RASD1: variants seen among roughly 807,000 people sequenced by gnomAD.
The protein encoded by RASD1 is ras related dexamethasone induced 1.
Under a neutral mutation model 16.7 loss-of-function variants are expected in RASD1, and 13 were observed. The ratio of observed to expected loss-of-function variants is 0.78; its 90% CI spans 0.51 to 1.24. The LOEUF is 1.24. Ranked by LOEUF, RASD1 falls within the 50% of genes most tolerant of loss-of-function variation. The pLI is 0.00. For missense variants in RASD1, 397 were observed against 407.5 expected, an observed-to-expected ratio of 0.97 and a Z score of 0.22; for synonymous variants, 170 against 172.6, an observed-to-expected ratio of 0.98 and a Z score of 0.12.
rs774190385 is a variant in RASD1 at position 17,495,232 on chromosome 17, C to A, written c.739G>T (p.Ala247Ser). The stretch of plus-strand genomic sequence containing the variant: ...ACGCTGGGCCGGCGCGCGAAGGGTG[C>A]CACGATGCCAAAGGCGTCGCCCGGG... ...GDPGDAFGIV[A>S]PFARRPSVHS... The change falls in exon 2 of 2, where the codon GCA becomes TCA. Residue 247 changes from alanine to serine, a missense_variant. Ala to Ser is a moderately conservative substitution (Grantham distance 99). Transcript: ENST00000225688. The A allele has an allele frequency of 6.2e-7, 1 of 1,607,210 alleles. No homozygotes were observed. Among genetic ancestry groups the A allele is most frequent in the African/African-American group, 1.3e-5 (1 of 74,922 alleles).
Position 17,495,184 on chromosome 17 carries a change from G to T in RASD1, c.787C>A (p.Arg263Ser), listed in dbSNP as rs1567644918. ...TGGCTGCCGGCGCTGGCCTTCTCGCGGATGTACATGAGGTCGCTGTGTACG... is the reference window on the plus strand; with the variant it reads ...TGGCTGCCGGCGCTGGCCTTCTCGCTGATGTACATGAGGTCGCTGTGTACG... ...PSVHSDLMYI[R>S]EKASAGSQAK... The change falls in exon 2 of 2, where the codon CGC becomes AGC. Residue 263 changes from arginine (R) to serine (S), a missense_variant. Arg to Ser is a moderately radical substitution (Grantham distance 110). Transcript: ENST00000225688. 4.3e-6 allele frequency: 7 copies of T among 1,611,788 alleles called. No homozygotes were observed. The highest frequency in any genetic ancestry group is 5.9e-6 in the Non-Finnish European group (7 of 1,179,694).
In RASD1 at chr17:17,494,864, C is replaced by T; in HGVS notation, c.*261G>A. On this transcript the variant is annotated 3_prime_UTR_variant, in exon 2 of 2. Transcript: ENST00000225688. ...ATAAATCCACCCTCGGCTGGGCCCTCGCTCCCAAAGTTATGGGGGTGGCGG... is the reference window on the plus strand; with the variant it reads ...ATAAATCCACCCTCGGCTGGGCCCTTGCTCCCAAAGTTATGGGGGTGGCGG... The T allele has an allele frequency of 1.8e-6, 1 of 565,612 alleles. No individual in the cohort carries two copies. Among genetic ancestry groups the T allele is most frequent in the Non-Finnish European group, 3.1e-6 (1 of 325,334 alleles). 35.0% of individuals were successfully genotyped at this position (565,612 alleles called of 1,614,324 possible).
At position 17,494,990 on chromosome 17, in the gene RASD1, C is replaced by G; in HGVS notation, c.*135G>C. On this transcript the variant is annotated 3_prime_UTR_variant, in exon 2 of 2. Coordinates refer to ENST00000225688, the MANE Select transcript of RASD1 (RefSeq NM_016084.5). ...TCCCTTCTCGGTTCAGTGGCGCCTC[C>G]CCAGTGCTGGGGGCGGATCGCCGGG... 2 of 1,133,718 alleles carry G rather than the reference C, an allele frequency of 1.8e-6. No homozygotes were observed. Among genetic ancestry groups the G allele is most frequent in the Non-Finnish European group, 2.5e-6 (2 of 807,044 alleles). 70.2% of individuals were successfully genotyped at this position (1,133,718 alleles called of 1,614,324 possible).
Position 17,494,665 on chromosome 17 carries a change from T to G in RASD1, c.*460A>C. On this transcript the variant is annotated 3_prime_UTR_variant, in exon 2 of 2. Transcript: ENST00000225688. ...ATTTGACCCACGCCCCCCCGCTTAG[T>G]TTTGGGAGGGCAGAGGCTCTACCGG... 5.5e-6 allele frequency: 1 copy of G among 183,130 alleles called. No homozygotes were observed. The highest frequency in any genetic ancestry group is 1.1e-5 in the Non-Finnish European group (1 of 88,532). The allele number at this position is 183,130 out of a possible 1,614,324, so 11.3% of individuals were successfully genotyped here. A position where few individuals can be genotyped will look rare whatever the true frequency, so the allele number is the denominator to read the frequency against.
At position 17,496,129 on chromosome 17, in the gene RASD1, C is replaced by T. The variant is rs867859433; in HGVS notation, c.53G>A (p.Ser18Asn). ...KKMCPSDSEL[S>N]IPAKNCYRMV... ...GCGATAGCAGTTCTTGGCCGGGATA[C>T]TCAGCTCCGAGTCGCTCGGGCACAT... The change falls in exon 1 of 2, where the codon AGT (serine) becomes AAT (asparagine). Residue 18 changes from serine (S) to asparagine (N), a missense_variant. Coordinates refer to ENST00000225688, the MANE Select transcript of RASD1 (RefSeq NM_016084.5). The T allele has an allele frequency of 6.2e-7, 1 of 1,613,626 alleles. No homozygotes were observed. Among genetic ancestry groups the T allele is most frequent in the Admixed American group, 1.7e-5 (1 of 60,016 alleles).
rs1360553223 is a variant in RASD1 at position 17,495,123 on chromosome 17, T to G, written c.*2A>C. The G allele has an allele frequency of 6.2e-7, 1 of 1,610,546 alleles. No homozygotes were observed. The highest frequency in any genetic ancestry group is 1.3e-5 in the African/African-American group (1 of 74,774). ...GGTTGTGTCGCCAGCGCGGCGGGGC[T>G]CCTAGCTGATGACGCAGCGCTCCTT... On this transcript the variant is annotated 3_prime_UTR_variant, in exon 2 of 2. Coordinates refer to ENST00000225688, the MANE Select transcript of RASD1 (RefSeq NM_016084.5).
In RASD1 at chr17:17,495,949, T is replaced by G; in HGVS notation, c.233A>C (p.Asp78Ala). Residue 78 changes from aspartate to alanine, a missense_variant, in exon 1 of 2, where the codon GAC becomes GCC. Physicochemically the swap from Asp to Ala is moderately radical, Grantham distance 126. Transcript: ENST00000225688. ...RGEVYQLDILDTSGNHPFPAM... is the reference protein window; with the variant it reads ...RGEVYQLDILATSGNHPFPAM... ...GGGGAACGGGTGGTTGCCGGACGTG[T>G]CGAGGATGTCGAGCTGGTAGACCTC... The G allele has an allele frequency of 6.2e-7, 1 of 1,612,090 alleles. No homozygotes were observed. Among genetic ancestry groups the G allele is most frequent in the Non-Finnish European group, 8.5e-7 (1 of 1,179,936 alleles).
rs544142737 is a variant in RASD1 at position 17,494,700 on chromosome 17, C to T, written c.*425G>A. ...GCAGAGGCTCTACCGGCTGTCACAG[C>T]AACCCGGAATCACAGACAAGATAAT... On this transcript the variant is annotated 3_prime_UTR_variant, in exon 2 of 2. Coordinates refer to ENST00000225688, the MANE Select transcript of RASD1 (RefSeq NM_016084.5). 63 of 196,504 alleles carry T rather than the reference C, an allele frequency of 3.2e-4. No individual in the cohort carries two copies. Among genetic ancestry groups the T allele is most frequent in the Middle Eastern group, 4.1e-3 (2 of 484 alleles). 12.2% of individuals were successfully genotyped at this position (196,504 alleles called of 1,614,324 possible).
At position 17,495,681 on chromosome 17, in the gene RASD1, T is replaced by C. The variant is rs1257137657; in HGVS notation, c.290A>G (p.Asp97Gly). 1 of 1,606,370 alleles carries C rather than the reference T, an allele frequency of 6.2e-7. No individual in the cohort carries two copies. Among genetic ancestry groups the C allele is most frequent in the Non-Finnish European group, 8.5e-7 (1 of 1,175,922 alleles). ...AMRRLSILTG[D>G]VFILVFSLDN... ...CAGACTGAACACCAGGATGAAAACG[T>C]CTCCTAGAGGGGGCACAGAGAGCAG... Residue 97 changes from aspartate to glycine, a missense_variant, in exon 2 of 2, where the codon GAC (aspartate) becomes GGC (glycine). By Grantham distance (94) the Asp-to-Gly change is moderately conservative. Coordinates refer to ENST00000225688, the MANE Select transcript of RASD1 (RefSeq NM_016084.5).
In RASD1 at chr17:17,495,921, G is replaced by T; in HGVS notation, c.261C>A (p.Ala87=). ...CTGTGAGGATGGAGAGGCGCCGCAT[G>T]GCGGGGAACGGGTGGTTGCCGGACG... The part of the protein sequence containing the change: ...LDTSGNHPFP[A]MRRLSILTGD... Residue 87 remains alanine, a synonymous_variant, in exon 1 of 2, where the codon GCC becomes GCA. Transcript: ENST00000225688. The T allele has an allele frequency of 6.2e-7, 1 of 1,610,240 alleles. No homozygotes were observed.
Position 17,495,990 on chromosome 17 carries a change from G to A in RASD1, c.192C>T (p.Phe64=), listed in dbSNP as rs1325900892. ...TPTIEDFHRK[F]YSIRGEVYQL... ...GGTAGACCTCGCCGCGGATGGAGTA[G>A]AACTTGCGGTGGAAGTCCTCGATGG... The change falls in exon 1 of 2, where the codon TTC becomes TTT. Residue 64 remains phenylalanine, a synonymous_variant. Coordinates refer to ENST00000225688, the MANE Select transcript of RASD1 (RefSeq NM_016084.5). The A allele has an allele frequency of 6.2e-7, 1 of 1,613,762 alleles. No individual in the cohort carries two copies. Among genetic ancestry groups the A allele is most frequent in the Admixed American group, 1.7e-5 (1 of 60,014 alleles).
At position 17,494,736 on chromosome 17, in the gene RASD1, T is replaced by A; in HGVS notation, c.*389A>T. ...CACAGACAAGATAATGCCCCGTGGG[T>A]CCTGACCCTCAAGCGGGCATGACGG... On this transcript the variant is annotated 3_prime_UTR_variant, in exon 2 of 2. Transcript: ENST00000225688. The A allele has an allele frequency of 3.8e-6, 1 of 261,278 alleles. No homozygotes were observed. The highest frequency in any genetic ancestry group is 7.3e-6 in the Non-Finnish European group (1 of 136,920). The allele number at this position is 261,278 out of a possible 1,614,324, so 16.2% of individuals were successfully genotyped here. A position where few individuals can be genotyped will look rare whatever the true frequency, so the allele number is the denominator to read the frequency against.
Position 17,495,301 on chromosome 17 carries a change from T to C in RASD1, c.670A>G (p.Asn224Asp), listed in dbSNP as rs1439252138. 6.4e-7 allele frequency: 1 copy of C among 1,555,202 alleles called. No individual in the cohort carries two copies. Among genetic ancestry groups the C allele is most frequent in the African/African-American group, 1.4e-5 (1 of 73,456 alleles). ...CDVLHKKALR[N>D]KKLLRAGSGG... Reference sequence around the variant, plus strand: ...CTGCCGGCCCGCAGCAGCTTCTTGTTCCGCAGCGCCTTCTTGTGCAGCACG... The same window carrying C: ...CTGCCGGCCCGCAGCAGCTTCTTGTCCCGCAGCGCCTTCTTGTGCAGCACG... Residue 224 changes from asparagine (N) to aspartate (D), a missense_variant, in exon 2 of 2, where the codon AAC becomes GAC. Asn to Asp is a conservative substitution (Grantham distance 23). Transcript: ENST00000225688.
Position 17,496,155 on chromosome 17 carries a change from C to G in RASD1, c.27G>C (p.Lys9Asn), listed in dbSNP as rs368085304. The G allele has an allele frequency of 4.4e-6, 7 of 1,608,358 alleles. No homozygotes were observed. The highest frequency in any genetic ancestry group is 4.3e-6 in the Non-Finnish European group (5 of 1,175,826). Reference sequence around the variant, plus strand: ...TCAGCTCCGAGTCGCTCGGGCACATCTTCTTGATCATCGCGGCCAGTTTCA... The same window carrying G: ...TCAGCTCCGAGTCGCTCGGGCACATGTTCTTGATCATCGCGGCCAGTTTCA... MKLAAMIK[K>N]MCPSDSELSI... Residue 9 changes from lysine to asparagine, a missense_variant, in exon 1 of 2, where the codon AAG becomes AAC. Lys to Asn is a moderately conservative substitution (Grantham distance 94). Transcript: ENST00000225688.
chr17:17,495,712 GAGA>G lies in RASD1; in HGVS notation c.287-31_287-29del, dbSNP rs377667199. The stretch of plus-strand genomic sequence containing the variant: ...AGAGGGGGCACAGAGAGCAGAAAAG[GAGA>G]AGGTGAGGGTGGCCGCCCAGGGGAC... On this transcript the variant is annotated intron_variant, in intron 1 of 1. Coordinates refer to ENST00000225688, the MANE Select transcript of RASD1 (RefSeq NM_016084.5). 119 of 1,571,706 alleles carry G rather than the reference GAGA, an allele frequency of 7.6e-5. 1 individual carries two copies. In the East Asian group the frequency reaches 1.1e-3, roughly 14 times the overall value.
chr17:17,495,021 A>G lies in RASD1; in HGVS notation c.*104T>C, dbSNP rs1905362212. 3 of 1,405,002 alleles carry G rather than the reference A, an allele frequency of 2.1e-6. No individual in the cohort carries two copies. Among genetic ancestry groups the G allele is most frequent in the Non-Finnish European group, 2.9e-6 (3 of 1,034,916 alleles). The allele number at this position is 1,405,002 out of a possible 1,614,324, so 87.0% of individuals were successfully genotyped here. ...GCTGGGGGCGGATCGCCGGGAGGGG[A>G]GACGCCAGTCCGCGCGCGCTCCCGG... On this transcript the variant is annotated 3_prime_UTR_variant, in exon 2 of 2. Transcript: ENST00000225688.
Position 17,494,593 on chromosome 17 carries a change from T to A in RASD1, c.*532A>T, listed in dbSNP as rs1905341158. On this transcript the variant is annotated 3_prime_UTR_variant, in exon 2 of 2. Coordinates refer to ENST00000225688, the MANE Select transcript of RASD1 (RefSeq NM_016084.5). ...GTTAAAGTGCAAGTTTTGTTTTGTG[T>A]TCCTTTGTGCAGTTTCACTCACATG... is the stretch of plus-strand genomic sequence containing the variant. The A allele has an allele frequency of 6.3e-6, 1 of 159,168 alleles. No individual in the cohort carries two copies. The highest frequency in any genetic ancestry group is 1.9e-4 in the South Asian group (1 of 5,298). The allele number at this position is 159,168 out of a possible 1,614,324, so 9.9% of individuals were successfully genotyped here. A position where few individuals can be genotyped will look rare whatever the true frequency, so the allele number is the denominator to read the frequency against.
chr17:17,494,762 T>G lies in RASD1; in HGVS notation c.*363A>C. 3.4e-6 allele frequency: 1 copy of G among 295,422 alleles called. No individual in the cohort carries two copies. The highest frequency in any genetic ancestry group is 6.3e-6 in the Non-Finnish European group (1 of 158,488). 18.3% of individuals were successfully genotyped at this position (295,422 alleles called of 1,614,324 possible). A position where few individuals can be genotyped will look rare whatever the true frequency, so the allele number is the denominator to read the frequency against. ...CCTGACCCTCAAGCGGGCATGACGG[T>G]TTCTTGAAGCCTAGCAGAGGCTGGA... On this transcript the variant is annotated 3_prime_UTR_variant, in exon 2 of 2. Coordinates refer to ENST00000225688, the MANE Select transcript of RASD1 (RefSeq NM_016084.5).
Position 17,495,591 on chromosome 17 carries a change from C to A in RASD1, c.380G>T (p.Cys127Phe). 1 of 1,613,074 alleles carries A rather than the reference C, an allele frequency of 6.2e-7. No homozygotes were observed. The highest frequency in any genetic ancestry group is 1.1e-5 in the South Asian group (1 of 91,028). Residue 127 changes from cysteine to phenylalanine, a missense_variant, in exon 2 of 2, where the codon TGC (cysteine) becomes TTC (phenylalanine). Transcript: ENST00000225688. ...GTTCTCCTTGGTTTTGTTCTTGAGG[C>A]AAGACTTGGTGTCGAGGATCTGCTG... ...LRQQILDTKS[C>F]LKNKTKENVD...
Sources: gnomAD v4.1 joint callset for allele counts on GRCh38, gnomAD v4.1.1 for gene constraint, MANE v1.5 for transcripts, NCBI Gene and HGNC (gene_info 2026-07-23, HGNC 2026-07-21) for gene names.